Variants in SOX5 observed in about 807,000 individuals in gnomAD.
SOX5 encodes the protein transcription factor SOX-5.
SOX5 carries 9 observed loss-of-function variants against 92.0 expected under a neutral mutation model. The ratio of observed to expected loss-of-function variants is 0.10; its 90% CI spans 0.06 to 0.17. The LOEUF (loss-of-function observed/expected upper bound fraction) is 0.17, where lower values mean the gene tolerates loss of function less well. SOX5 is among the 10% of genes least tolerant of loss of function. SOX5 has a pLI of 1.00. For missense variants in SOX5, 642 were observed against 944.5 expected, an observed-to-expected ratio of 0.68 and a Z score of 4.20; for synonymous variants, 344 against 336.3, an observed-to-expected ratio of 1.02 and a Z score of -0.25.
In SOX5 at chr12:23,751,785, G is replaced by A. The variant is rs116752748; in HGVS notation, c.568+3853C>T. Among the ~76,000 whole-genome samples, 163 of 151,950 alleles carry A rather than the reference G, an allele frequency of 1.1e-3. 1 individual carries two copies. Among genetic ancestry groups the A allele is most frequent in the African/African-American group, 3.7e-3 (154 of 41,506 alleles). On this transcript the variant is annotated intron_variant, in intron 4 of 14. Transcript: ENST00000451604. ...TTCTTCTAGAATACACAAAATTATA[G>A]CCTTGCAAAAGAACCAGTTGTTGAA...
In SOX5 at chr12:24,422,464, G is replaced by A. The variant is rs566190398; in HGVS notation, c.-250-53825C>T. On this transcript the variant is annotated intron_variant, in intron 1 of 4. Transcript: ENST00000446891. Reference sequence around the variant, plus strand: ...CTGGGAGATCATGGAAGCAGGTATCGAAAAAGTCTAGAAAGCTGAGCCATC... The same window carrying A: ...CTGGGAGATCATGGAAGCAGGTATCAAAAAAGTCTAGAAAGCTGAGCCATC... Among the ~76,000 whole-genome samples, 145 of 152,184 alleles carry A rather than the reference G, an allele frequency of 9.5e-4. 1 individual carries two copies. Among genetic ancestry groups the A allele is most frequent in the African/African-American group, 3.1e-3 (130 of 41,530 alleles).
chr12:23,846,743 T>C (rs1002373313), intron 2 of SOX5, among the ~76,000 whole-genome samples: 1 of 152,186 alleles, frequency 6.6e-6, no homozygotes. Context: ...TCTCCTTCTT[T>C]TAAGAAAGCA....
chr12:23,730,128 T>C (rs568795266), intron 6 of SOX5, among the ~76,000 whole-genome samples: 19 of 152,026 alleles, frequency 1.2e-4, no homozygotes, highest in African/African-American at 3.9e-4. Context: ...CTATCAATAT[T>C]AGAAACAGGT....
chr12:24,221,192 A>G (rs1199562718), intron 3 of SOX5, among the ~76,000 whole-genome samples: 4 of 152,240 alleles, frequency 2.6e-5, no homozygotes, highest in African/African-American at 7.2e-5. Flanking sequence ...TGCATTAAAT[A>G]AAGTAATTGT....
chr12:24,149,625 T>A (rs953918887), intron 4 of SOX5, among the ~76,000 whole-genome samples: 2 of 152,172 alleles, frequency 1.3e-5, no homozygotes, highest in Admixed American at 6.6e-5. Flanking sequence ...TAAAAAGTTA[T>A]ATGTGCATCT....
chr12:23,954,626 A>T (rs1946064491), upstream of SOX5, among the ~76,000 whole-genome samples: 5 of 152,014 alleles, frequency 3.3e-5, no homozygotes, highest in Non-Finnish European at 7.4e-5. Flanking sequence ...GGCATTCTAT[A>T]GCCTATCTTC....
At chr12:24,183,537 AG>A (rs2139312434) in intron 4 of SOX5, among the ~76,000 whole-genome samples, 1 of 152,328 alleles carries the variant, frequency 6.6e-6, no homozygotes, top group East Asian at 1.9e-4. Flanking sequence ...TCTCATAGAC[AG>A]TAGATATCCA....
rs1194105085 is a variant in SOX5, at chr12:24,509,662, T to C, written c.-251+52667A>G. Among the ~76,000 whole-genome samples, 4 of 152,160 alleles carry C rather than the reference T, an allele frequency of 2.6e-5. No individual in the cohort carries two copies. In the East Asian group the frequency reaches 7.7e-4, roughly 29 times the overall value. On this transcript the variant is annotated intron_variant, in intron 1 of 4. Coordinates refer to the SOX5 transcript ENST00000446891. ...ACCTCCTAAGCCATGGGAAATTAGATGGATGTGTTTATGCAGAATGCCCCG... is the reference window on the plus strand; with the variant it reads ...ACCTCCTAAGCCATGGGAAATTAGACGGATGTGTTTATGCAGAATGCCCCG...
At chr12:23,856,932 T>C (rs1195998198) in intron 2 of SOX5, among the ~76,000 whole-genome samples, 9 of 152,180 alleles carry the variant, frequency 5.9e-5, no homozygotes, top group Non-Finnish European at 1.3e-4. Context: ...ACATGTCTGA[T>C]TATTCACACA....
intron 3 of SOX5, among the ~76,000 whole-genome samples, chr12:23,814,388 T>C (rs2095943346): frequency 6.6e-6 from 1 of 152,048 alleles, no homozygotes; most frequent in Non-Finnish European, 1.5e-5. Flanking sequence ...TACTGAAGGG[T>C]TCCAGACCTT....
chr12:23,768,700 T>G (rs1040974075), intron 3 of SOX5, among the ~76,000 whole-genome samples: 1 of 152,080 alleles, frequency 6.6e-6, no homozygotes, highest in Non-Finnish European at 1.5e-5. Flanking sequence ...AGTTGCAATT[T>G]TTTTTTACAA....
intron 6 of SOX5, among the ~76,000 whole-genome samples, chr12:23,695,140 G>C (rs1444881458): frequency 2.7e-5 from 4 of 147,348 alleles, no homozygotes; most frequent in Non-Finnish European, 6.0e-5. Flanking sequence ...AAAATCAATT[G>C]AACATACATT....
chr12:23,914,452 T>C (rs920549286), intron 1 of SOX5, among the ~76,000 whole-genome samples: 8 of 152,162 alleles, frequency 5.3e-5, no homozygotes, highest in Non-Finnish European at 1.2e-4. Flanking sequence ...GAAATCAGGA[T>C]TTCCTTGAGG....
chr12:23,546,458 G>T (rs1943148956), intron 11 of SOX5, 34 bp from the exon 12 acceptor site: 1 of 1,199,440 alleles, frequency 8.3e-7, no homozygotes, highest in Non-Finnish European at 1.2e-6. Flanking sequence ...ATCAGTCTAG[G>T]AATTAAAATT....
chr12:23,982,238 G>A (rs111632503), intron 4 of SOX5, among the ~76,000 whole-genome samples: 246 of 152,298 alleles, frequency 1.6e-3, no homozygotes, highest in Non-Finnish European at 2.7e-3. Flanking sequence ...CCAGAAAAAT[G>A]ACTTTCTCTG....
chr12:23,600,550 T>TATATATATATATATATATAC (rs1555191125), intron 9 of SOX5, among the ~76,000 whole-genome samples: 1 of 126,818 alleles, frequency 7.9e-6, no homozygotes, highest in Non-Finnish European at 1.7e-5. Context: ...TATATATATA[T>TATATATATATATATATATAC]ATACACATAC....
Position 24,231,084 on chromosome 12 carries a change from C to T in SOX5, c.-76-17667G>A, listed in dbSNP as rs1354390124. 3.3e-5 allele frequency among the ~76,000 whole-genome samples: 5 copies of T among 152,132 alleles called. No individual in the cohort carries two copies. The East Asian group carries it at 9.6e-4, about 29-fold the overall frequency. On this transcript the variant is annotated intron_variant, in intron 3 of 4. Transcript: ENST00000446891. The stretch of plus-strand genomic sequence containing the variant: ...TTAAGAGAAGAAATAAGAGAAGCAA[C>T]AAGGTGCACAGAAAGCCAGCTCTGA...
chr12:24,330,548 G>A (rs1233045552), intron 2 of SOX5, among the ~76,000 whole-genome samples: 2 of 152,132 alleles, frequency 1.3e-5, no homozygotes, highest in Non-Finnish European at 2.9e-5. Flanking sequence ...CAATAATAGT[G>A]TGGCCATGAT....
intron 4 of SOX5, among the ~76,000 whole-genome samples, chr12:24,109,142 AC>A (rs1476471868): frequency 6.6e-6 from 1 of 152,160 alleles, no homozygotes; most frequent in African/African-American, 2.4e-5. Context: ...ATAAATAGAT[AC>A]CTTGTATGTC....
Sources: allele counts gnomAD v4.1 joint callset (sites outside exome capture counted in the v4.1 genomes callset), GRCh38; gene constraint gnomAD v4.1.1; transcripts MANE v1.5; gene names NCBI Gene and HGNC (gene_info 2026-07-23, HGNC 2026-07-21).